UTRN: variants seen among roughly 807,000 people sequenced by gnomAD.
UTRN encodes dystrophin-related protein 1.
A neutral mutation model predicts 463.9 loss-of-function variants in UTRN; 283 were observed. The observed-to-expected ratio is 0.61, with a 90% CI of 0.55 to 0.67. UTRN has a LOEUF of 0.67. UTRN is among the 30% of genes least tolerant of loss of function. The pLI is 0.00. For synonymous variants in UTRN, 1,442 were observed against 1,431.5 expected (o/e 1.01, Z -0.17); for missense variants, 3,922 against 4,084.3 (o/e 0.96, Z 1.08).
At chr6:144,819,467 G>A (rs1217580269) in intron 65 of UTRN, among the ~76,000 whole-genome samples, 1 of 152,066 alleles carries the variant, frequency 6.6e-6, no homozygotes, top group African/African-American at 2.4e-5. Context: ...ATCTGAGGCA[G>A]GTGAATCACT....
At chr6:144,334,154 T>G (rs1462356525) in intron 2 of UTRN, among the ~76,000 whole-genome samples, 1 of 152,222 alleles carries the variant, frequency 6.6e-6, no homozygotes, top group Non-Finnish European at 1.5e-5. Flanking sequence ...GTTGGGTTTC[T>G]GTGCCTGGGC....
chr6:144,442,641 C>G (rs1296129615), intron 13 of UTRN, among the ~76,000 whole-genome samples: 1 of 152,114 alleles, frequency 6.6e-6, no homozygotes, highest in Non-Finnish European at 1.5e-5. Flanking sequence ...CAGGGAAACT[C>G]CCTTTTGTAA....
At chr6:144,466,908 C>G (rs879224999) in intron 23 of UTRN, among the ~76,000 whole-genome samples, 1 of 152,210 alleles carries the variant, frequency 6.6e-6, no homozygotes, top group Admixed American at 6.5e-5. Context: ...CTTCTGGGTT[C>G]AGGCTCTCAT....
At chr6:144,430,706 T>C (rs187598036) in intron 9 of UTRN, among the ~76,000 whole-genome samples, 5 of 152,198 alleles carry the variant, frequency 3.3e-5, no homozygotes, top group Non-Finnish European at 5.9e-5. Context: ...CTATCATTAT[T>C]ATCATTTTTC....
chr6:144,485,506 A>G lies in UTRN; in HGVS notation c.3809A>G (p.Asn1270Ser). 6.2e-7 allele frequency: 1 copy of G among 1,613,098 alleles called. No homozygotes were observed. The highest frequency in any genetic ancestry group is 8.5e-7 in the Non-Finnish European group (1 of 1,179,664). ...EVLPEKTDAV[N>S]EALESLESVL... ...CTGCCTGAGAAGACGGATGCTGTCAACGAAGCCCTGGAGGTTGGAACCCGT... is the reference window on the plus strand; with the variant it reads ...CTGCCTGAGAAGACGGATGCTGTCAGCGAAGCCCTGGAGGTTGGAACCCGT... Residue 1270 changes from asparagine to serine, a missense_variant, in exon 28 of 75, where the codon AAC becomes AGC. By Grantham distance (46) the Asn-to-Ser change is conservative (BLOSUM62 1). Transcript: ENST00000367545.
intron 51 of UTRN, among the ~76,000 whole-genome samples, chr6:144,615,645 C>G (rs555394902): frequency 4.2e-4 from 64 of 152,286 alleles, no homozygotes; most frequent in Non-Finnish European, 7.4e-4. Flanking sequence ...GTCTCTGCCT[C>G]CAAAGTATAT....
intron 51 of UTRN, among the ~76,000 whole-genome samples, chr6:144,612,319 G>A (rs770007081): frequency 6.6e-5 from 10 of 152,022 alleles, no homozygotes; most frequent in Non-Finnish European, 1.3e-4. Flanking sequence ...TTAAGGCAAT[G>A]ATTTTTTTAA....
intron 2 of UTRN, among the ~76,000 whole-genome samples, chr6:144,340,480 T>A (rs917199700): frequency 6.6e-6 from 1 of 152,164 alleles, no homozygotes; most frequent in Non-Finnish European, 1.5e-5. Context: ...GGAGAGAGGA[T>A]TAGTTTCTGA....
At chr6:144,822,885 GC>G (rs1345260105) in intron 66 of UTRN, among the ~76,000 whole-genome samples, 2 of 152,098 alleles carry the variant, frequency 1.3e-5, no homozygotes, top group East Asian at 3.8e-4. Context: ...TAAGCGATGT[GC>G]CTTTTAATCT....
Position 144,440,398 on chromosome 6 carries a change from T to C in UTRN, c.1439T>C (p.Leu480Pro). 1 of 1,614,200 alleles carries C rather than the reference T, an allele frequency of 6.2e-7. No individual in the cohort carries two copies. Among genetic ancestry groups the C allele is most frequent in the Non-Finnish European group, 8.5e-7 (1 of 1,180,022 alleles). ...LEAEQVKVNS[L>P]THMVVIVDEN... ...GCTGAACAGGTGAAAGTAAATTCAC[T>C]AACTCACATGGTGGTCATTGTTGAT... Residue 480 changes from leucine to proline, a missense_variant, in exon 13 of 75, where the codon CTA becomes CCA. Transcript: ENST00000367545.
intron 60 of UTRN, among the ~76,000 whole-genome samples, chr6:144,777,689 G>A (rs376330334): frequency 3.3e-5 from 5 of 151,416 alleles, no homozygotes; most frequent in South Asian, 2.1e-4. Flanking sequence ...AGTATGTTCC[G>A]AGGAGGGGGA....
intron 2 of UTRN, among the ~76,000 whole-genome samples, chr6:144,375,421 C>G (rs1780365575): frequency 6.6e-6 from 1 of 152,212 alleles, no homozygotes; most frequent in African/African-American, 2.4e-5. Context: ...TAGCACAGAT[C>G]TAAAAGTGAT....
Position 144,458,835 on chromosome 6 carries a change from T to A in UTRN, c.2350T>A (p.Ser784Thr). ...EKVSSEWKNV[S>T]QHLEDLERKI... ...GGTTTCATCAGAATGGAAGAATGTA[T>A]CTCAACATTTGGAAGATCTAGAAAG... The change falls in exon 20 of 75, where the codon TCT becomes ACT. Residue 784 changes from serine to threonine, a missense_variant. By Grantham distance (58) the Ser-to-Thr change is moderately conservative. Around this residue, in one of 3 missense-constraint regions of UTRN, gnomAD observed 2,349 missense variants for 2,303.8 expected, o/e 1.02. Coordinates refer to ENST00000367545, the MANE Select transcript of UTRN (RefSeq NM_007124.3). The A allele has an allele frequency of 6.2e-7, 1 of 1,613,330 alleles. No homozygotes were observed. The highest frequency in any genetic ancestry group is 8.5e-7 in the Non-Finnish European group (1 of 1,179,848).
intron 62 of UTRN, among the ~76,000 whole-genome samples, chr6:144,791,142 C>G (rs1179578989): frequency 6.6e-6 from 1 of 152,206 alleles, no homozygotes; most frequent in Non-Finnish European, 1.5e-5. Context: ...CTTCACCACT[C>G]TGATTCCAGT....
At chr6:144,764,618 CT>C (rs1263324922) in intron 58 of UTRN, among the ~76,000 whole-genome samples, 2 of 152,004 alleles carry the variant, frequency 1.3e-5, no homozygotes, top group Non-Finnish European at 2.9e-5. Context: ...GATATCTATA[CT>C]TTATAAAGAT....
At position 144,851,024 on chromosome 6, in the gene UTRN, C is replaced by G. The variant is rs761830104; in HGVS notation, c.*27C>G. The G allele has an allele frequency of 1.2e-6, 2 of 1,613,614 alleles. No homozygotes were observed. The highest frequency in any genetic ancestry group is 1.6e-4 in the Middle Eastern group (1 of 6,062). ...GTATTCATCCGGCCAACCAATGTTT[C>G]CTGACGTACAGTGTTGCCCTTTTCA... On this transcript the variant is annotated 3_prime_UTR_variant, in exon 75 of 75. Transcript: ENST00000367545.
intron 51 of UTRN, chr6:144,583,550 C>G (rs752195024): frequency 2.8e-6 from 2 of 715,198 alleles, no homozygotes; most frequent in African/African-American, 1.7e-5. Context: ...TTTGTTGCAT[C>G]GCTTACAAAG....
intron 73 of UTRN, among the ~76,000 whole-genome samples, chr6:144,842,103 T>C (rs1781627768): frequency 1.1e-5 from 1 of 94,546 alleles, no homozygotes; most frequent in African/African-American, 4.7e-5. Flanking sequence ...GCGTGAGACT[T>C]CCTCTCCAAA....
chr6:144,775,162 C>G (rs895868643), intron 60 of UTRN, among the ~76,000 whole-genome samples: 1 of 152,110 alleles, frequency 6.6e-6, no homozygotes, highest in Non-Finnish European at 1.5e-5. Flanking sequence ...CTAGGCAGTT[C>G]AGTGATGCTT....
Sources: allele counts gnomAD v4.1 joint callset (sites outside exome capture counted in the v4.1 genomes callset), GRCh38; gene constraint gnomAD v4.1.1; regional missense constraint gnomAD v4.1.1; transcripts MANE v1.5; gene names NCBI Gene and HGNC (gene_info 2026-07-23, HGNC 2026-07-21).